The following ENTREP2 variants were observed in gnomAD, a reference collection of about 807,000 sequenced individuals.
ENTREP2 encodes the protein endosomal transmembrane epsin interactor 2.
the ENTREP2 span, among the ~76,000 whole-genome samples, chr15:29,474,772 C>T: frequency 2.6e-5 from 4 of 152,210 alleles, no homozygotes; most frequent in East Asian, 7.8e-4. Context: ...CCAGGCTGGT[C>T]TCGAACTCCT....
chr15:29,387,788 C>T, the ENTREP2 span, among the ~76,000 whole-genome samples: 3 of 152,262 alleles, frequency 2.0e-5, no homozygotes, highest in East Asian at 3.9e-4. Flanking sequence ...ACCAATGGAA[C>T]AGAACAGAGC....
At chr15:29,184,227 C>T in the ENTREP2 span, among the ~76,000 whole-genome samples, 115 of 152,328 alleles carry the variant, frequency 7.5e-4, no homozygotes, top group Admixed American at 2.5e-3. Flanking sequence ...TCAAGCGATC[C>T]GCCGGCCTCG....
the ENTREP2 span, among the ~76,000 whole-genome samples, chr15:29,419,703 G>A: frequency 6.6e-6 from 1 of 152,126 alleles, no homozygotes; most frequent in Non-Finnish European, 1.5e-5. Context: ...GAGCAGATCT[G>A]GACGCACATA....
the ENTREP2 span, among the ~76,000 whole-genome samples, chr15:29,351,810 T>A: frequency 6.9e-6 from 1 of 145,620 alleles, no homozygotes; most frequent in African/African-American, 2.5e-5. Flanking sequence ...CACACAGCTT[T>A]TTTATTTTTT....
chr15:29,235,356 G>A, the ENTREP2 span, among the ~76,000 whole-genome samples: 9 of 152,128 alleles, frequency 5.9e-5, no homozygotes, highest in African/African-American at 1.7e-4. Context: ...AGATATCTGC[G>A]TGGTTGCCTT....
chr15:29,383,155 C>T, the ENTREP2 span, among the ~76,000 whole-genome samples: 9 of 152,186 alleles, frequency 5.9e-5, no homozygotes, highest in African/African-American at 1.7e-4. Context: ...TGAGGCTCCT[C>T]GAGTACCATC....
At chr15:29,317,123 A>G in the ENTREP2 span, among the ~76,000 whole-genome samples, 1 of 152,228 alleles carries the variant, frequency 6.6e-6, no homozygotes, top group Non-Finnish European at 1.5e-5. Flanking sequence ...TAATTACACA[A>G]AATAGCAATA....
At chr15:29,633,982 G>T in the ENTREP2 span, among the ~76,000 whole-genome samples, 1 of 151,996 alleles carries the variant, frequency 6.6e-6, no homozygotes, top group Non-Finnish European at 1.5e-5. Context: ...ACGGGGTGGG[G>T]GTTTCATGAG....
chr15:29,515,333 C>G, the ENTREP2 span, among the ~76,000 whole-genome samples: 2 of 152,062 alleles, frequency 1.3e-5, no homozygotes, highest in African/African-American at 2.4e-5. Context: ...ATCCAAAGGT[C>G]GGGGGGATGA....
the ENTREP2 span, among the ~76,000 whole-genome samples, chr15:29,317,892 T>A: frequency 6.6e-6 from 1 of 152,166 alleles, no homozygotes; most frequent in African/African-American, 2.4e-5. Context: ...ATGAACAGAC[T>A]AGCGCCCACT....
the ENTREP2 span, among the ~76,000 whole-genome samples, chr15:29,651,066 A>C: frequency 4.6e-5 from 7 of 152,316 alleles, no homozygotes; most frequent in Middle Eastern, 3.4e-3. Flanking sequence ...GCTCTTAAAC[A>C]TCCATGGCTG....
chr15:29,244,119 G>A, the ENTREP2 span, among the ~76,000 whole-genome samples: 1 of 152,188 alleles, frequency 6.6e-6, no homozygotes, highest in Admixed American at 6.5e-5. Flanking sequence ...TTTCTGCAAT[G>A]CAAAAGTGAT....
chr15:29,594,333 C>T, the ENTREP2 span, among the ~76,000 whole-genome samples: 1 of 152,142 alleles, frequency 6.6e-6, no homozygotes, highest in Non-Finnish European at 1.5e-5. Context: ...TCTTCAGTAA[C>T]CACCTTGGCT....
chr15:29,514,983 C>T, the ENTREP2 span, among the ~76,000 whole-genome samples: 1 of 152,298 alleles, frequency 6.6e-6, no homozygotes, highest in Non-Finnish European at 1.5e-5. Flanking sequence ...TCCTTACTGC[C>T]TAGGAAAGAA....
chr15:29,435,687 T>C, the ENTREP2 span, among the ~76,000 whole-genome samples: 1 of 151,888 alleles, frequency 6.6e-6, no homozygotes, highest in African/African-American at 2.4e-5. Context: ...TATACACACA[T>C]ATATATGTAT....
the ENTREP2 span, among the ~76,000 whole-genome samples, chr15:29,363,915 T>G: frequency 2.0e-5 from 3 of 152,296 alleles, no homozygotes; most frequent in East Asian, 5.8e-4. Flanking sequence ...ATATTCTGAC[T>G]AGTGTCCAGG....
chr15:29,303,707 C>T, the ENTREP2 span, among the ~76,000 whole-genome samples: 3 of 150,606 alleles, frequency 2.0e-5, no homozygotes, highest in African/African-American at 7.3e-5. Flanking sequence ...CATGTGTACC[C>T]AATGTTTAGC....
the ENTREP2 span, among the ~76,000 whole-genome samples, chr15:29,427,889 C>T: frequency 6.6e-6 from 1 of 152,124 alleles, no homozygotes; most frequent in Non-Finnish European, 1.5e-5. Flanking sequence ...TGAGAAACAC[C>T]AAATCACACC....
chr15:29,223,311 T>G, the ENTREP2 span, among the ~76,000 whole-genome samples: 6 of 152,182 alleles, frequency 3.9e-5, no homozygotes, highest in Non-Finnish European at 7.4e-5. Context: ...CAAGTCCTCC[T>G]GGTTCTGGGC....
Sources: gnomAD v4.1 joint callset for allele counts (sites outside exome capture counted in the v4.1 genomes callset) on GRCh38, gnomAD v4.1.1 for gene constraint, MANE v1.5 for transcripts, NCBI Gene and HGNC (gene_info 2026-07-23, HGNC 2026-07-21) for gene names.